The following PPFIA1 variants were observed in gnomAD, a reference collection of about 807,000 sequenced individuals.
The protein encoded by PPFIA1 is PPFI scaffold protein A1.
In PPFIA1, 25 loss-of-function variants were observed where a neutral mutation model predicts 149.9. That is an observed-to-expected ratio of 0.17 (90% CI 0.12 to 0.23). The LOEUF (loss-of-function observed/expected upper bound fraction) is 0.23. Ranked by LOEUF, PPFIA1 falls within the 10% of genes least tolerant of loss-of-function variation. The pLI, the probability that PPFIA1 is intolerant of heterozygous loss-of-function variation, is 1.00. For synonymous variants in PPFIA1, 549 were observed against 552.8 expected (o/e 0.99, Z 0.10); for missense variants, 1,362 against 1,506.5 (o/e 0.90, Z 1.59).
chr11:70,302,516 G>A (rs1591126298), intron 2 of PPFIA1, among the ~76,000 whole-genome samples: 1 of 152,294 alleles, frequency 6.6e-6, no homozygotes, highest in African/African-American at 2.4e-5. Flanking sequence ...CACTTGAGAC[G>A]CTTCCTTGGT....
chr11:70,272,399 AT>A lies in PPFIA1; in HGVS notation c.229del (p.Ser77ProfsTer38). On this transcript the variant is annotated frameshift_variant, in exon 2 of 28. Coordinates refer to ENST00000253925, the MANE Select transcript of PPFIA1 (RefSeq NM_003626.5). LOFTEE classifies it high-confidence loss of function. ...GKLHEVGHERDSLQRQLNTAL... is the reference protein window; with the variant it reads ...GKLHEVGHERXSLQRQLNTAL... ...TTACACGAGGTTGGTCATGAAAGAGATTCCTTGCAGAGACAGCTCAACACGG... is the reference window on the plus strand; with the variant it reads ...TTACACGAGGTTGGTCATGAAAGAGATCCTTGCAGAGACAGCTCAACACGG... The A allele has an allele frequency of 6.2e-7, 1 of 1,614,170 alleles. No homozygotes were observed.
At chr11:70,374,611 A>T (rs1255497100) in intron 23 of PPFIA1, 1 of 295,596 alleles carries the variant, frequency 3.4e-6, no homozygotes, top group East Asian at 8.0e-5. Context: ...AAGTTCTTGC[A>T]GTCCTCTGGC....
intron 3 of PPFIA1, among the ~76,000 whole-genome samples, 161 bp from the exon 4 acceptor site, chr11:70,324,686 G>C (rs1303968401): frequency 1.3e-5 from 2 of 152,218 alleles, no homozygotes; most frequent in African/African-American, 4.8e-5. Context: ...TTTGTGATGA[G>C]AATTTATGAT....
chr11:70,369,941 C>G (rs1270202075), intron 21 of PPFIA1, among the ~76,000 whole-genome samples: 1 of 144,818 alleles, frequency 6.9e-6, no homozygotes, highest in African/African-American at 2.5e-5. Flanking sequence ...TGGCTGCCCT[C>G]TTTTACTCTT....
intron 2 of PPFIA1, among the ~76,000 whole-genome samples, chr11:70,300,826 C>T (rs2136342907): frequency 6.6e-6 from 1 of 152,316 alleles, no homozygotes; most frequent in South Asian, 2.1e-4. Context: ...AGCCACCGCG[C>T]CCGGCCTACT....
intron 2 of PPFIA1, chr11:70,283,822 T>G (rs575409987): frequency 9.3e-4 from 377 of 404,034 alleles, no homozygotes; most frequent in Non-Finnish European, 1.6e-3. Context: ...TTTGGTGGTG[T>G]TGAGAGGTAT....
At chr11:70,349,932 G>A (rs1370998291) in intron 16 of PPFIA1, 1 of 455,754 alleles carries the variant, frequency 2.2e-6, no homozygotes, top group African/African-American at 2.0e-5. Context: ...GCCATCTCCA[G>A]ATTCATTTTT....
intron 2 of PPFIA1, among the ~76,000 whole-genome samples, chr11:70,315,003 A>G (rs2053513588): frequency 6.6e-6 from 1 of 152,124 alleles, no homozygotes; most frequent in Non-Finnish European, 1.5e-5. Context: ...ACACTTATAA[A>G]ATCATCAGAT....
chr11:70,326,193 G>A (rs1402272246), intron 5 of PPFIA1, 69 bp from the exon 6 acceptor site: 3 of 913,892 alleles, frequency 3.3e-6, no homozygotes, highest in African/African-American at 3.4e-5. Flanking sequence ...TCCAAAAGGA[G>A]TTTTGCTATC....
chr11:70,325,475 CAA>C lies in PPFIA1; in HGVS notation c.532-23_532-22del, dbSNP rs1158331689. ...AATAAACAGTATACACACACACACACAAACTCAACCCCTTTTATTTTCAGGTG... is the reference window on the plus strand; with the variant it reads ...AATAAACAGTATACACACACACACACACTCAACCCCTTTTATTTTCAGGTG... On this transcript the variant is annotated intron_variant, in intron 4 of 27. Coordinates refer to ENST00000253925, the MANE Select transcript of PPFIA1 (RefSeq NM_003626.5). 2.0e-6 allele frequency: 3 copies of C among 1,503,800 alleles called. No homozygotes were observed. The African/African-American group carries it at 4.4e-5, about 22-fold the overall frequency. 93.2% of individuals were successfully genotyped at this position (1,503,800 alleles called of 1,614,324 possible).
chr11:70,330,969 C>A (rs1176766704), intron 8 of PPFIA1, among the ~76,000 whole-genome samples: 1 of 151,922 alleles, frequency 6.6e-6, no homozygotes, highest in Non-Finnish European at 1.5e-5. Flanking sequence ...CGCGGTGGCT[C>A]ACACCTGTAA....
At chr11:70,360,647 C>T (rs1465723914) in intron 19 of PPFIA1, among the ~76,000 whole-genome samples, 16 of 152,272 alleles carry the variant, frequency 1.1e-4, no homozygotes, top group Admixed American at 9.8e-4. Context: ...CAGCCACCAC[C>T]TGGTGATTGG....
At chr11:70,333,218 TG>T (rs1565407842) in intron 9 of PPFIA1, 3 of 567,572 alleles carry the variant, frequency 5.3e-6, no homozygotes, top group South Asian at 1.7e-5. Context: ...GCATAGGGGT[TG>T]GGGGGAAAAC....
At chr11:70,336,327 C>T (rs1173528252) in intron 11 of PPFIA1, among the ~76,000 whole-genome samples, 5 of 152,116 alleles carry the variant, frequency 3.3e-5, no homozygotes, top group Admixed American at 6.5e-5. Context: ...CATGGCCAAA[C>T]GCCATCTCTA....
At chr11:70,343,913 C>T (rs55738915) in intron 15 of PPFIA1, 21 bp downstream of exon 15, 193,956 of 1,592,992 alleles carry the variant, frequency 0.12, 12,587 homozygotes, top group Admixed American at 0.21. Context: ...CCGTGCATGA[C>T]ACTCACCACA....
In PPFIA1 at chr11:70,348,095, A is replaced by G. The variant is rs1050457623; in HGVS notation, c.1932-94A>G. ...AGCAGCTTATTACTGGAGTTTACTC[A>G]TAGTAATACAGAGTATAAGCATGGT... On this transcript the variant is annotated intron_variant, in intron 15 of 27. Coordinates refer to ENST00000253925, the MANE Select transcript of PPFIA1 (RefSeq NM_003626.5). The G allele has an allele frequency of 7.1e-6, 7 of 982,288 alleles. 1 individual carries two copies. In the Admixed American group the frequency reaches 1.0e-4, roughly 15 times the overall value. 60.8% of individuals were successfully genotyped at this position (982,288 alleles called of 1,614,324 possible).
At position 70,337,347 on chromosome 11, in the gene PPFIA1, C is replaced by T. The variant is rs781413028; in HGVS notation, c.1429-18C>T. On this transcript the variant is annotated intron_variant, in intron 11 of 27. Transcript: ENST00000253925. ...GACATTTTAAAGAAACACTAAAGGA[C>T]TATCTGTCTTTTTTCAGAACTCTCT... 1 of 1,550,448 alleles carries T rather than the reference C, an allele frequency of 6.4e-7. No individual in the cohort carries two copies. The highest frequency in any genetic ancestry group is 1.2e-5 in the South Asian group (1 of 85,310).
intron 21 of PPFIA1, among the ~76,000 whole-genome samples, chr11:70,369,892 C>T (rs2057140277): frequency 6.6e-6 from 1 of 151,850 alleles, no homozygotes; most frequent in African/African-American, 2.4e-5. Flanking sequence ...CTGCTTCAGC[C>T]TCCTGAGTAG....
intron 2 of PPFIA1, among the ~76,000 whole-genome samples, chr11:70,301,806 G>A (rs1234790829): frequency 2.0e-5 from 3 of 152,164 alleles, no homozygotes; most frequent in Non-Finnish European, 2.9e-5. Flanking sequence ...AAAGTAGAGG[G>A]TGAAACCATT....
Sources: gnomAD v4.1 joint callset for allele counts (sites outside exome capture counted in the v4.1 genomes callset) on GRCh38, gnomAD v4.1.1 for gene constraint, MANE v1.5 for transcripts, NCBI Gene and HGNC (gene_info 2026-07-23, HGNC 2026-07-21) for gene names.